STPG2: variants seen among roughly 807,000 people sequenced by gnomAD.
STPG2 encodes the protein sperm tail PG-rich repeat containing 2.
Under a neutral mutation model 54.2 loss-of-function variants are expected in STPG2, and 56 were observed. The observed-to-expected ratio is 1.03, with a 90% CI of 0.83 to 1.29. The LOEUF (loss-of-function observed/expected upper bound fraction) is 1.29. Ranked by LOEUF, STPG2 falls within the 50% of genes most tolerant of loss-of-function variation. The pLI, the probability that STPG2 is intolerant of heterozygous loss-of-function variation, is 0.00. For missense variants in STPG2, 596 were observed against 544.9 expected (o/e 1.09, Z -0.93); for synonymous variants, 200 against 181.8 (o/e 1.10, Z -0.81).
At chr4:97,707,093 G>A (rs979955923) in intron 10 of STPG2, among the ~76,000 whole-genome samples, 2 of 152,142 alleles carry the variant, frequency 1.3e-5, no homozygotes, top group Non-Finnish European at 2.9e-5. Flanking sequence ...AAGGTATTAG[G>A]CTTAAGTAGG....
chr4:97,786,966 C>T (rs889262834), intron 9 of STPG2, among the ~76,000 whole-genome samples: 5 of 152,082 alleles, frequency 3.3e-5, no homozygotes, highest in Non-Finnish European at 7.4e-5. Flanking sequence ...TAGGTACATT[C>T]CAGTACTGCC....
At chr4:98,100,290 G>A (rs902087142) in intron 5 of STPG2, among the ~76,000 whole-genome samples, 1 of 152,138 alleles carries the variant, frequency 6.6e-6, no homozygotes, top group Non-Finnish European at 1.5e-5. Context: ...GAGAATGTAA[G>A]ATATTTGTCC....
intron 8 of STPG2, among the ~76,000 whole-genome samples, chr4:97,873,495 A>G (rs1730063090): frequency 6.6e-6 from 1 of 151,560 alleles, no homozygotes; most frequent in Non-Finnish European, 1.5e-5. Flanking sequence ...AAATTACACT[A>G]CAATAACAAA....
intron 5 of STPG2, among the ~76,000 whole-genome samples, chr4:98,061,910 CA>C (rs1737672962): frequency 6.6e-6 from 1 of 152,108 alleles, no homozygotes; most frequent in South Asian, 2.1e-4. Flanking sequence ...GAGCTAAAAG[CA>C]GAACAGTCAT....
At chr4:97,639,022 G>A (rs1285736689) in intron 10 of STPG2, among the ~76,000 whole-genome samples, 1 of 151,934 alleles carries the variant, frequency 6.6e-6, no homozygotes, top group Non-Finnish European at 1.5e-5. Context: ...TATAAATCAT[G>A]CTGCTATAAA....
chr4:97,846,452 C>A (rs183273047), intron 8 of STPG2, among the ~76,000 whole-genome samples: 1 of 151,666 alleles, frequency 6.6e-6, no homozygotes, highest in African/African-American at 2.4e-5. Flanking sequence ...TGGTGAAACC[C>A]CATCTCTACT....
At chr4:97,688,021 C>T (rs1176570557) in intron 10 of STPG2, among the ~76,000 whole-genome samples, 1 of 151,886 alleles carries the variant, frequency 6.6e-6, no homozygotes, top group Non-Finnish European at 1.5e-5. Context: ...ATATTTAGTG[C>T]TTCTGAGTTT....
intron 8 of STPG2, among the ~76,000 whole-genome samples, chr4:97,890,327 C>T (rs956074704): frequency 1.4e-4 from 21 of 152,114 alleles, no homozygotes; most frequent in African/African-American, 5.1e-4. Context: ...TTACCACTCA[C>T]AAGACTTGCC....
intron 4 of STPG2, among the ~76,000 whole-genome samples, chr4:97,448,487 G>C (rs188851227): frequency 1.3e-5 from 2 of 152,012 alleles, no homozygotes; most frequent in African/African-American, 2.4e-5. Context: ...CCCCCATGCT[G>C]TTCTCATGAT....
At chr4:97,509,358 A>G (rs1352422524) in intron 4 of STPG2, among the ~76,000 whole-genome samples, 1 of 152,108 alleles carries the variant, frequency 6.6e-6, no homozygotes, top group Non-Finnish European at 1.5e-5. Context: ...AGCTTTAGAC[A>G]CCCAATTTAT....
At chr4:97,628,811 A>G (rs1444843577) in intron 10 of STPG2, among the ~76,000 whole-genome samples, 1 of 152,096 alleles carries the variant, frequency 6.6e-6, no homozygotes, top group Non-Finnish European at 1.5e-5. Context: ...GATAGATAAA[A>G]TAATATTGAT....
At chr4:97,441,955 AT>A (rs1356841611) in intron 4 of STPG2, among the ~76,000 whole-genome samples, 1 of 152,078 alleles carries the variant, frequency 6.6e-6, no homozygotes, top group African/African-American at 2.4e-5. Flanking sequence ...ACTGACAAGT[AT>A]TTTGAGAATA....
intron 5 of STPG2, among the ~76,000 whole-genome samples, chr4:97,989,789 G>C (rs1383177231): frequency 1.3e-5 from 2 of 152,160 alleles, no homozygotes; most frequent in African/African-American, 2.4e-5. Flanking sequence ...AACCAAAACA[G>C]CTAAGTGACT....
chr4:97,898,553 C>A (rs1405602077), intron 8 of STPG2, among the ~76,000 whole-genome samples: 1 of 151,534 alleles, frequency 6.6e-6, no homozygotes, highest in Non-Finnish European at 1.5e-5. Context: ...ATGAAAATAT[C>A]AATATCTCGA....
chr4:97,818,877 C>A (rs1269951445), intron 9 of STPG2, among the ~76,000 whole-genome samples: 1 of 149,768 alleles, frequency 6.7e-6, no homozygotes, highest in Non-Finnish European at 1.5e-5. Flanking sequence ...TGCTTCTTAC[C>A]AAATATAATC....
rs1722640562 is a variant in STPG2, at chr4:97,669,740, G to A, written c.1320+42959C>T. 7.0e-5 allele frequency among the ~76,000 whole-genome samples: 2 copies of A among 28,636 alleles called. 1 individual carries two copies. The highest frequency in any genetic ancestry group is 8.6e-4 in the Admixed American group (2 of 2,332). 18.8% of individuals were successfully genotyped at this position (28,636 alleles called of 152,430 possible). On this transcript the variant is annotated intron_variant, in intron 10 of 10. Coordinates refer to ENST00000295268, the MANE Select transcript of STPG2 (RefSeq NM_174952.3). ...GAACCCGGGAAGCGGAGCTTGCAGT[G>A]AGCCGAGATTGCGCCACTGCAGTCC...
At chr4:97,634,559 T>C (rs1245920577) in intron 10 of STPG2, among the ~76,000 whole-genome samples, 2 of 151,038 alleles carry the variant, frequency 1.3e-5, no homozygotes, top group Admixed American at 1.3e-4. Flanking sequence ...GGGAGGACAT[T>C]CAAACCAAAG....
chr4:98,111,304 C>T (rs1251874413), intron 3 of STPG2, among the ~76,000 whole-genome samples: 1 of 152,124 alleles, frequency 6.6e-6, no homozygotes, highest in African/African-American at 2.4e-5. Flanking sequence ...GAGTAGGGGG[C>T]AATTCTCAAA....
rs537366239 is a variant in STPG2 at position 98,021,596 on chromosome 4, G to T, written c.613-40278C>A. Among the ~76,000 whole-genome samples the T allele has an allele frequency of 1.2e-3, 185 of 152,086 alleles. 4 individuals are homozygous for T. Among genetic ancestry groups the T allele is most frequent in the East Asian group, 0.011 (56 of 5,172 alleles). ...TTGTTAACTTTCTGTCTCATTGATC[G>T]GTCTAATGTTGACAGTGGGGTCTTA... On this transcript the variant is annotated intron_variant, in intron 5 of 10. Coordinates refer to ENST00000295268, the MANE Select transcript of STPG2 (RefSeq NM_174952.3).
Sources: gnomAD v4.1 joint callset for allele counts (sites outside exome capture counted in the v4.1 genomes callset) on GRCh38, gnomAD v4.1.1 for gene constraint, MANE v1.5 for transcripts, NCBI Gene and HGNC (gene_info 2026-07-23, HGNC 2026-07-21) for gene names.